RYR3: variants seen among roughly 807,000 people sequenced by gnomAD.
RYR3 encodes ryanodine receptor 3.
In RYR3, 207 loss-of-function variants were observed where a neutral mutation model predicts 584.3. The observed-to-expected ratio is 0.35, with a 90% CI of 0.32 to 0.40. The LOEUF (loss-of-function observed/expected upper bound fraction) is 0.40. Among genes scored for constraint, RYR3 ranks in the 10% least tolerant of loss-of-function variants. The pLI, the probability that RYR3 is intolerant of heterozygous loss-of-function variation, is 1.00. For missense variants in RYR3, 5,616 were observed against 6,089.2 expected (o/e 0.92, Z 2.59); for synonymous variants, 2,416 against 2,248.5 (o/e 1.07, Z -2.11).
At chr15:33,372,510 G>A (rs917122012) in intron 1 of RYR3, among the ~76,000 whole-genome samples, 7 of 151,762 alleles carry the variant, frequency 4.6e-5, no homozygotes, top group African/African-American at 1.5e-4. Context: ...GACTACAGGC[G>A]CCCGCCACCA....
chr15:33,703,627 A>T (rs2066464212), intron 42 of RYR3, among the ~76,000 whole-genome samples: 1 of 150,156 alleles, frequency 6.7e-6, no homozygotes, highest in Admixed American at 6.6e-5. Flanking sequence ...ACATTCTGGG[A>T]TATTGAGGGT....
chr15:33,839,393 T>C (rs917983712), intron 89 of RYR3, among the ~76,000 whole-genome samples: 1 of 152,232 alleles, frequency 6.6e-6, no homozygotes, highest in East Asian at 1.9e-4. Flanking sequence ...TCTATGAGTT[T>C]GATCATGCTT....
intron 12 of RYR3, among the ~76,000 whole-genome samples, chr15:33,573,004 AAAAT>A (rs2058115589): frequency 6.6e-6 from 1 of 151,736 alleles, no homozygotes; most frequent in African/African-American, 2.4e-5. Context: ...AAAATAAGAT[AAAAT>A]AAATACTTGA....
chr15:33,436,038 T>C (rs2045697636), intron 1 of RYR3, among the ~76,000 whole-genome samples: 1 of 152,218 alleles, frequency 6.6e-6, no homozygotes, highest in Admixed American at 6.5e-5. Context: ...AAAGTGCTGA[T>C]TGGTGCATTT....
At chr15:33,570,425 G>A (rs2057964260) in intron 12 of RYR3, among the ~76,000 whole-genome samples, 1 of 152,064 alleles carries the variant, frequency 6.6e-6, no homozygotes, top group South Asian at 2.1e-4. Context: ...GCTTAGTTCT[G>A]TTCCATTGAT....
intron 27 of RYR3, among the ~76,000 whole-genome samples, chr15:33,638,005 A>C (rs888642424): frequency 6.6e-6 from 1 of 151,298 alleles, no homozygotes; most frequent in African/African-American, 2.4e-5. Context: ...TCCTGTGTTC[A>C]TGTGTTCTCA....
chr15:33,799,314 T>C (rs2075789047), intron 67 of RYR3, among the ~76,000 whole-genome samples: 1 of 152,164 alleles, frequency 6.6e-6, no homozygotes, highest in Admixed American at 6.5e-5. Flanking sequence ...ATTAGAGGGT[T>C]GGGACTTTCA....
At chr15:33,516,216 A>G (rs931604850) in intron 3 of RYR3, among the ~76,000 whole-genome samples, 1 of 152,050 alleles carries the variant, frequency 6.6e-6, no homozygotes, top group African/African-American at 2.4e-5. Context: ...TTTATTCAAT[A>G]TAGGCTACTT....
At chr15:33,659,456 G>A (rs1203221381) in intron 32 of RYR3, among the ~76,000 whole-genome samples, 2 of 152,238 alleles carry the variant, frequency 1.3e-5, no homozygotes, top group Non-Finnish European at 2.9e-5. Flanking sequence ...TGCACTGGAG[G>A]AAGCTACTGG....
intron 1 of RYR3, among the ~76,000 whole-genome samples, chr15:33,352,191 T>G (rs1002062167): frequency 2.0e-5 from 3 of 152,232 alleles, no homozygotes; most frequent in African/African-American, 7.2e-5. Context: ...AAAAAATATT[T>G]TCAGTCTTTA....
intron 62 of RYR3, among the ~76,000 whole-genome samples, 196 bp downstream of exon 62, chr15:33,769,368 C>T (rs1001571560): frequency 3.3e-5 from 5 of 152,294 alleles, no homozygotes; most frequent in South Asian, 2.1e-4. Flanking sequence ...ATGGCATAGA[C>T]GGAATGCAAA....
chr15:33,783,592 T>A (rs956467505), intron 65 of RYR3, among the ~76,000 whole-genome samples: 2 of 152,264 alleles, frequency 1.3e-5, no homozygotes, highest in Non-Finnish European at 2.9e-5. Flanking sequence ...GATGATGTAT[T>A]GTCTATGTGA....
chr15:33,707,276 C>A (rs1477225624), intron 43 of RYR3, among the ~76,000 whole-genome samples: 1 of 152,140 alleles, frequency 6.6e-6, no homozygotes, highest in African/African-American at 2.4e-5. Context: ...GAACAGAGCA[C>A]TGAGCATTAG....
Position 33,865,249 on chromosome 15 carries a change from A to T in RYR3, c.*23A>T, listed in dbSNP as rs748621532. On this transcript the variant is annotated 3_prime_UTR_variant, in exon 104 of 104. Coordinates refer to ENST00000634891, the MANE Select transcript of RYR3 (RefSeq NM_001036.6). ...TAAATCTGAATCAAAGAAGCGCGAC[A>T]ATTCTGGACAGTCAACTTCCCATGA... The T allele has an allele frequency of 6.5e-7, 1 of 1,531,316 alleles. No homozygotes were observed. Among genetic ancestry groups the T allele is most frequent in the Non-Finnish European group, 9.0e-7 (1 of 1,109,986 alleles). 94.9% of individuals were successfully genotyped at this position (1,531,316 alleles called of 1,614,324 possible).
chr15:33,698,304 G>A (rs1162552771), intron 40 of RYR3, among the ~76,000 whole-genome samples: 1 of 152,204 alleles, frequency 6.6e-6, no homozygotes, highest in African/African-American at 2.4e-5. Flanking sequence ...CTTCCACTTA[G>A]GAGCCTGGTG....
chr15:33,358,811 T>C (rs8029781), intron 1 of RYR3, among the ~76,000 whole-genome samples: 9,718 of 152,204 alleles, frequency 0.064, 543 homozygotes, highest in African/African-American at 0.15. Flanking sequence ...TTTCTTCTCC[T>C]GAGGGACGAT....
rs533940577 is a variant in RYR3 at position 33,748,360 on chromosome 15, G to A, written c.8136+100G>A. The A allele has an allele frequency of 5.9e-6, 9 of 1,533,470 alleles. No individual in the cohort carries two copies. In the Admixed American group the frequency reaches 1.5e-4, roughly 25 times the overall value. 95.0% of individuals were successfully genotyped at this position (1,533,470 alleles called of 1,614,324 possible). On this transcript the variant is annotated intron_variant, in intron 54 of 103. Transcript: ENST00000634891. The stretch of plus-strand genomic sequence containing the variant: ...CATCGTAGGTGGGACCATCTAAGAT[G>A]AACCCTGGGGAGTTTTCAGGACACA...
At chr15:33,845,238 C>T (rs1411888190) in intron 93 of RYR3, among the ~76,000 whole-genome samples, 176 bp downstream of exon 93, 1 of 152,142 alleles carries the variant, frequency 6.6e-6, no homozygotes, top group African/African-American at 2.4e-5. Flanking sequence ...TCTCAGGCCT[C>T]ACCATAGGTT....
intron 60 of RYR3, 77 bp downstream of exon 60, chr15:33,757,673 GGCGA>G: frequency 6.7e-7 from 1 of 1,496,856 alleles, no homozygotes; most frequent in Non-Finnish European, 9.1e-7. Context: ...TGGACTAAAA[GGCGA>G]GTCTTTTGGA....
Sources: allele counts gnomAD v4.1 joint callset (sites outside exome capture counted in the v4.1 genomes callset), GRCh38; gene constraint gnomAD v4.1.1; transcripts MANE v1.5; gene names NCBI Gene and HGNC (gene_info 2026-07-23, HGNC 2026-07-21).